The following PNLIPRP3 variants were observed in gnomAD, a reference collection of about 807,000 sequenced individuals.
PNLIPRP3 encodes pancreatic lipase-related protein 3.
Under a neutral mutation model 52.8 loss-of-function variants are expected in PNLIPRP3, and 58 were observed. The ratio of observed to expected loss-of-function variants is 1.10; its 90% CI spans 0.89 to 1.37. The LOEUF is 1.37. Ranked by LOEUF, PNLIPRP3 falls within the 40% of genes most tolerant of loss-of-function variation. The pLI, the probability that PNLIPRP3 is intolerant of heterozygous loss-of-function variation, is 0.00. For missense variants in PNLIPRP3, 593 were observed against 561.6 expected (o/e 1.06, Z -0.57); for synonymous variants, 192 against 185.0 (o/e 1.04, Z -0.31).
intron 2 of PNLIPRP3, among the ~76,000 whole-genome samples, chr10:116,438,030 C>G (rs1392823679): frequency 6.6e-6 from 1 of 152,134 alleles, no homozygotes; most frequent in Non-Finnish European, 1.5e-5. Context: ...ACATCATAAA[C>G]TAGTCTGAGA....
Position 116,476,645 on chromosome 10 carries a change from T to C in PNLIPRP3, c.1173-7T>C. 1 of 1,555,826 alleles carries C rather than the reference T, an allele frequency of 6.4e-7. No homozygotes were observed. Among genetic ancestry groups the C allele is most frequent in the Non-Finnish European group, 8.7e-7 (1 of 1,156,006 alleles). ...TGCAAACTTACGAGTCTTATTTTTGTTTACAGTGGAAAACTTGAGCCAGGC... is the reference window on the plus strand; with the variant it reads ...TGCAAACTTACGAGTCTTATTTTTGCTTACAGTGGAAAACTTGAGCCAGGC... On this transcript the variant is annotated splice_polypyrimidine_tract_variant and splice_region_variant and intron_variant, in intron 10 of 11. Coordinates refer to ENST00000369230, the MANE Select transcript of PNLIPRP3 (RefSeq NM_001011709.3).
chr10:116,466,886 A>T (rs955990244), intron 8 of PNLIPRP3, among the ~76,000 whole-genome samples: 1 of 152,218 alleles, frequency 6.6e-6, no homozygotes, highest in Admixed American at 6.5e-5. Context: ...CTTTTGCTAC[A>T]GAGCTTGGCA....
intron 4 of PNLIPRP3, among the ~76,000 whole-genome samples, chr10:116,449,716 GAAC>G (rs901722375): frequency 2.6e-5 from 4 of 152,120 alleles, no homozygotes; most frequent in Non-Finnish European, 5.9e-5. Flanking sequence ...AAACTTATTT[GAAC>G]AACAACTTCA....
At chr10:116,433,896 G>C (rs2133109830) in intron 1 of PNLIPRP3, among the ~76,000 whole-genome samples, 1 of 152,248 alleles carries the variant, frequency 6.6e-6, no homozygotes. Context: ...GAGATGTGAG[G>C]GGCTGTTTAT....
At chr10:116,441,299 G>A (rs1350541059) in intron 2 of PNLIPRP3, among the ~76,000 whole-genome samples, 1 of 152,160 alleles carries the variant, frequency 6.6e-6, no homozygotes, top group Non-Finnish European at 1.5e-5. Flanking sequence ...AATGTATGAT[G>A]TGAATAAACT....
intron 7 of PNLIPRP3, among the ~76,000 whole-genome samples, chr10:116,464,890 T>C (rs945374152): frequency 6.6e-6 from 1 of 152,202 alleles, no homozygotes; most frequent in Non-Finnish European, 1.5e-5. Flanking sequence ...TCTTGGGCTG[T>C]CCCAGCCCCA....
intron 4 of PNLIPRP3, among the ~76,000 whole-genome samples, chr10:116,446,069 G>A (rs1845943970): frequency 6.6e-6 from 1 of 152,258 alleles, no homozygotes; most frequent in East Asian, 1.9e-4. Flanking sequence ...ACAGTCGGCC[G>A]GGAGTGGTGG....
chr10:116,476,151 T>C (rs1846462073), intron 10 of PNLIPRP3, among the ~76,000 whole-genome samples: 1 of 152,182 alleles, frequency 6.6e-6, no homozygotes, highest in Non-Finnish European at 1.5e-5. Context: ...AAATGTCTTT[T>C]GATCACTAGT....
chr10:116,472,586 G>A (rs1006945085), intron 10 of PNLIPRP3, among the ~76,000 whole-genome samples: 1 of 152,182 alleles, frequency 6.6e-6, no homozygotes, highest in African/African-American at 2.4e-5. Context: ...GGCACGAAAA[G>A]CAGAGATTTT....
At position 116,427,975 on chromosome 10, in the gene PNLIPRP3, TC is replaced by T. The variant is rs1845660786; in HGVS notation, c.-37del. 3 of 1,536,184 alleles carry T rather than the reference TC, an allele frequency of 2.0e-6. No individual in the cohort carries two copies. In the East Asian group the frequency reaches 6.8e-5, roughly 35 times the overall value. On this transcript the variant is annotated 5_prime_UTR_variant, in exon 1 of 12. Coordinates refer to ENST00000369230, the MANE Select transcript of PNLIPRP3 (RefSeq NM_001011709.3). The stretch of plus-strand genomic sequence containing the variant: ...GAGGTGACTTTACAAGTAAAGATCT[TC>T]AAGAAGATTTTTATGTGATTTAAAA...
At chr10:116,446,157 G>A (rs1341837551) in intron 4 of PNLIPRP3, among the ~76,000 whole-genome samples, 1 of 151,784 alleles carries the variant, frequency 6.6e-6, no homozygotes, top group Non-Finnish European at 1.5e-5. Flanking sequence ...CCATCCTGGC[G>A]AACAAAATGA....
Position 116,444,514 on chromosome 10 carries a change from G to A in PNLIPRP3, c.456+1G>A, listed in dbSNP as rs1203426539. On this transcript the variant is annotated splice_donor_variant, in intron 4 of 11. Transcript: ENST00000369230. LOFTEE classifies it high-confidence loss of function. Reference sequence around the variant, plus strand: ...GGCTTATTTTATTGATGTTCTCATGGTAAGAAGAGTTGATTTTTTTTTAAT... The same window carrying A: ...GGCTTATTTTATTGATGTTCTCATGATAAGAAGAGTTGATTTTTTTTTAAT... 2 of 1,607,058 alleles carry A rather than the reference G, an allele frequency of 1.2e-6. No homozygotes were observed. The highest frequency in any genetic ancestry group is 1.7e-6 in the Non-Finnish European group (2 of 1,178,038).
chr10:116,444,694 G>T (rs1303643797), intron 4 of PNLIPRP3, among the ~76,000 whole-genome samples, 181 bp downstream of exon 4: 1 of 152,178 alleles, frequency 6.6e-6, no homozygotes, highest in African/African-American at 2.4e-5. Context: ...AGAGTCTGTG[G>T]TTATTTGAAG....
intron 4 of PNLIPRP3, among the ~76,000 whole-genome samples, chr10:116,451,229 G>A (rs1180103457): frequency 6.6e-6 from 1 of 152,066 alleles, no homozygotes; most frequent in Non-Finnish European, 1.5e-5. Flanking sequence ...ACATAAAAAT[G>A]AATTAAATTT....
At chr10:116,438,464 G>T (rs1323364112) in intron 2 of PNLIPRP3, among the ~76,000 whole-genome samples, 2 of 152,166 alleles carry the variant, frequency 1.3e-5, no homozygotes, top group Non-Finnish European at 2.9e-5. Flanking sequence ...AATATGGTCT[G>T]ATTTGTAGCT....
intron 8 of PNLIPRP3, among the ~76,000 whole-genome samples, chr10:116,466,462 T>A (rs1846283718): frequency 6.6e-6 from 1 of 152,234 alleles, no homozygotes; most frequent in Admixed American, 6.5e-5. Flanking sequence ...GTAACAGGCA[T>A]AAGTCTAGGG....
chr10:116,448,790 C>A (rs925220634), intron 4 of PNLIPRP3, among the ~76,000 whole-genome samples: 1 of 151,964 alleles, frequency 6.6e-6, no homozygotes, highest in African/African-American at 2.4e-5. Context: ...CCGAGGCAGG[C>A]GGATCACTTG....
intron 7 of PNLIPRP3, among the ~76,000 whole-genome samples, chr10:116,463,845 G>C (rs1392442443): frequency 6.6e-6 from 1 of 152,050 alleles, no homozygotes; most frequent in Non-Finnish European, 1.5e-5. Context: ...ATAAAAGAAA[G>C]CATAAATGGC....
intron 10 of PNLIPRP3, among the ~76,000 whole-genome samples, chr10:116,472,561 C>G (rs553824859): frequency 7.2e-5 from 11 of 152,316 alleles, no homozygotes; most frequent in African/African-American, 2.6e-4. Context: ...CCATCATCCT[C>G]AAACACTGGG....
Sources: gnomAD v4.1 joint callset for allele counts (sites outside exome capture counted in the v4.1 genomes callset) on GRCh38, gnomAD v4.1.1 for gene constraint, MANE v1.5 for transcripts, NCBI Gene and HGNC (gene_info 2026-07-23, HGNC 2026-07-21) for gene names.